The following SHTN1 variants were observed in gnomAD, a reference collection of about 807,000 sequenced individuals.
SHTN1 encodes shootin 1, also known as shootin-1.
In SHTN1, 42 loss-of-function variants were observed where a neutral mutation model predicts 83.1. The ratio of observed to expected loss-of-function variants is 0.51; its 90% confidence interval spans 0.39 to 0.65. The LOEUF (loss-of-function observed/expected upper bound fraction) is 0.65, where lower values mean the gene tolerates loss of function less well. SHTN1 is among the 30% of genes least tolerant of loss of function. The probability of loss-of-function intolerance (pLI) is 0.00; values close to 1 mark genes in which losing one functional copy is unlikely to be tolerated. For synonymous variants in SHTN1, 224 were observed against 247.7 expected (o/e 0.90, Z 0.90); for missense variants, 622 against 737.8 (o/e 0.84, Z 1.82).
Position 117,016,218 on chromosome 10 carries a change from G to A in SHTN1, c.-123+32227C>T, listed in dbSNP as rs1249748993. ...AAGAATAGCAAAACATAACCTTATT[G>A]GATAATACATATGATGAACTAAGGT... On this transcript the variant is annotated intron_variant, in intron 2 of 17. Transcript: ENST00000392901. Among the ~76,000 whole-genome samples the A allele has an allele frequency of 2.0e-5, 3 of 152,102 alleles. No individual in the cohort carries two copies. The East Asian group carries it at 5.8e-4, about 29-fold the overall frequency.
chr10:117,039,581 G>A (rs961817649), intron 2 of SHTN1, among the ~76,000 whole-genome samples: 7 of 152,164 alleles, frequency 4.6e-5, no homozygotes, highest in South Asian at 2.1e-4. Context: ...TCGGCCGGGC[G>A]CAGTGGCTCA....
intron 1 of SHTN1, among the ~76,000 whole-genome samples, chr10:117,053,024 A>AAAAAAAAAAAAAAAAAAAAAAGAAAAAG (rs1554934278): frequency 1.9e-5 from 1 of 51,282 alleles, no homozygotes; most frequent in Non-Finnish European, 5.7e-5. Context: ...TGTCTCAAAA[A>AAAAAAAAAAAAAAAAAAAAAAGAAAAAG]AAAAAAGAAT....
chr10:117,088,469 G>C (rs1434567234), intron 1 of SHTN1, among the ~76,000 whole-genome samples: 1 of 152,134 alleles, frequency 6.6e-6, no homozygotes, highest in African/African-American at 2.4e-5. Flanking sequence ...GGCCCGAAAA[G>C]GTTAGAAATA....
Position 117,086,377 on chromosome 10 carries a change from T to G in SHTN1, c.-188-37867A>C, listed in dbSNP as rs146127700. ...GATAACACATAGTTGGGGTCTTGTT[T>G]GCTTTATTTTAACCACTCTGAGCGT... On this transcript the variant is annotated intron_variant, in intron 1 of 17. Coordinates refer to the SHTN1 transcript ENST00000392901. Among the ~76,000 whole-genome samples the G allele has an allele frequency of 7.2e-5, 11 of 152,372 alleles. No homozygotes were observed. In the South Asian group the frequency reaches 2.3e-3, roughly 32 times the overall value.
Position 116,940,587 on chromosome 10 carries a change from T to C in SHTN1, c.737A>G (p.Lys246Arg), listed in dbSNP as rs769103309. The C allele has an allele frequency of 1.2e-6, 2 of 1,609,626 alleles. No homozygotes were observed. Among genetic ancestry groups the C allele is most frequent in the Non-Finnish European group, 1.7e-6 (2 of 1,177,434 alleles). ...QEMFIEQNKL[K>R]RQSHLLLQSS... is the part of the protein sequence containing the mutation. ...CTGCAGCAGAAGGTGGCTTTGTCTC[T>C]TTAGCTTGTTTTGCTCAATGAACAT... is the stretch of plus-strand genomic sequence containing the variant. Residue 246 changes from lysine to arginine, a missense_variant, in exon 9 of 17, where the codon AAG becomes AGG. Physicochemically the swap from Lys to Arg is conservative, Grantham distance 26. This residue lies in a region of SHTN1 where 383 missense variants were observed against 455.8 expected (regional missense o/e 0.84). Transcript: ENST00000355371.
chr10:117,009,965 T>A (rs1852079455), upstream of SHTN1, among the ~76,000 whole-genome samples: 1 of 151,796 alleles, frequency 6.6e-6, no homozygotes, highest in South Asian at 2.1e-4. Context: ...GAGAGAAATT[T>A]ATAGTTCTAA....
intron 1 of SHTN1, among the ~76,000 whole-genome samples, chr10:117,049,456 T>C (rs996341883): frequency 3.9e-5 from 6 of 152,156 alleles, no homozygotes; most frequent in Non-Finnish European, 5.9e-5. Flanking sequence ...ACAAGGGAGA[T>C]AGTGGTGATG....
chr10:117,068,503 C>T (rs1853036140), intron 1 of SHTN1, among the ~76,000 whole-genome samples: 1 of 151,744 alleles, frequency 6.6e-6, no homozygotes, highest in African/African-American at 2.4e-5. Context: ...ATAGATCACT[C>T]TCAAGTGGCC....
chr10:117,091,130 A>C (rs1372263512), intron 1 of SHTN1, among the ~76,000 whole-genome samples: 1 of 152,206 alleles, frequency 6.6e-6, no homozygotes, highest in Non-Finnish European at 1.5e-5. Context: ...TCATGCTGAA[A>C]AAGTCCACCA....
chr10:117,065,946 G>A (rs1852994397), intron 1 of SHTN1, among the ~76,000 whole-genome samples: 3 of 149,342 alleles, frequency 2.0e-5, no homozygotes, highest in Admixed American at 1.3e-4. Context: ...ACTCATGCCT[G>A]TGGTCCCAAC....
chr10:117,125,403 C>G (rs947080867), intron 1 of SHTN1, among the ~76,000 whole-genome samples: 1 of 152,178 alleles, frequency 6.6e-6, no homozygotes, highest in East Asian at 1.9e-4. Context: ...CACCTACCTA[C>G]TTTCTATCCT....
At chr10:116,929,108 A>G (rs1033335555) in intron 10 of SHTN1, among the ~76,000 whole-genome samples, 1 of 152,226 alleles carries the variant, frequency 6.6e-6, no homozygotes, top group Non-Finnish European at 1.5e-5. Flanking sequence ...AAAGGCCTAC[A>G]TGGTTCTTCT....
rs185830095 is a variant in SHTN1 at position 117,125,583 on chromosome 10, C to G, written c.-189+724G>C. On this transcript the variant is annotated intron_variant, in intron 1 of 17. Coordinates refer to the SHTN1 transcript ENST00000392901. ...TCTTTAGTTTGGTCTTCAGGCCCTT[C>G]CTTGACCAGGCCACTTTGCAAGCCT... is the stretch of plus-strand genomic sequence containing the variant. 5.6e-4 allele frequency among the ~76,000 whole-genome samples: 85 copies of G among 152,302 alleles called. 1 individual carries two copies. The highest frequency in any genetic ancestry group is 1.9e-3 in the African/African-American group (80 of 41,554).
chr10:117,065,835 AGG>A (rs1280028583), intron 1 of SHTN1, among the ~76,000 whole-genome samples: 20 of 86,030 alleles, frequency 2.3e-4, no homozygotes, highest in African/African-American at 6.5e-4. Flanking sequence ...GAAGGAAGGA[AGG>A]AAGGAAGGAA....
rs757147203 is a variant in SHTN1 at position 117,005,056 on chromosome 10, C to G, written c.24G>C (p.Lys8Asn). The G allele has an allele frequency of 6.3e-7, 1 of 1,599,152 alleles. No individual in the cohort carries two copies. The highest frequency in any genetic ancestry group is 8.5e-7 in the Non-Finnish European group (1 of 1,173,248). ...TCAGACTGGTAATGAGCTGCAGCTGCTTCTCTTCGTCCGAGCTGTTCATTT... is the reference window on the plus strand; with the variant it reads ...TCAGACTGGTAATGAGCTGCAGCTGGTTCTCTTCGTCCGAGCTGTTCATTT... The part of the protein sequence containing the change: MNSSDEE[K>N]QLQLITSLKE... Residue 8 changes from lysine (K) to asparagine (N), a missense_variant, in exon 1 of 17, where the codon AAG (lysine) becomes AAC (asparagine). Around this residue, in one of 3 missense-constraint regions of SHTN1, gnomAD observed 383 missense variants for 455.8 expected, o/e 0.84. Coordinates refer to ENST00000355371, the MANE Select transcript of SHTN1 (RefSeq NM_001127211.3).
At chr10:116,950,482 A>G (rs1240502486) in intron 6 of SHTN1, among the ~76,000 whole-genome samples, 1 of 152,170 alleles carries the variant, frequency 6.6e-6, no homozygotes, top group Non-Finnish European at 1.5e-5. Context: ...TATTTTGTTC[A>G]TTATGCCTTC....
chr10:117,084,757 C>A (rs374943507), intron 1 of SHTN1, among the ~76,000 whole-genome samples: 1 of 152,006 alleles, frequency 6.6e-6, no homozygotes, highest in East Asian at 1.9e-4. Context: ...TTTTTAAGCC[C>A]GTCGGAAAAG....
At chr10:116,899,673 G>A (rs565558793) in intron 16 of SHTN1, among the ~76,000 whole-genome samples, 1 of 152,234 alleles carries the variant, frequency 6.6e-6, no homozygotes, top group East Asian at 1.9e-4. Flanking sequence ...AAACACTAAC[G>A]GTGGTGTTGC....
At chr10:116,894,323 G>C (rs1438159024) in intron 16 of SHTN1, among the ~76,000 whole-genome samples, 2 of 152,144 alleles carry the variant, frequency 1.3e-5, no homozygotes, top group South Asian at 2.1e-4. Context: ...TATTGAAATT[G>C]AAGTCTTATA....
Sources: gnomAD v4.1 joint callset for allele counts (sites outside exome capture counted in the v4.1 genomes callset) on GRCh38, gnomAD v4.1.1 for gene constraint, gnomAD v4.1.1 regional missense constraint, MANE v1.5 for transcripts, NCBI Gene and HGNC (gene_info 2026-07-23, HGNC 2026-07-21) for gene names.